UNC5C: variants seen among roughly 807,000 people sequenced by gnomAD.
The protein encoded by UNC5C is unc-5 netrin receptor C, also known as netrin receptor UNC5C.
UNC5C carries 47 observed loss-of-function variants against 99.8 expected under a neutral mutation model. That is an observed-to-expected ratio of 0.47 (90% CI 0.37 to 0.60). The LOEUF (loss-of-function observed/expected upper bound fraction) is 0.60. Ranked by LOEUF, UNC5C falls within the 20% of genes least tolerant of loss-of-function variation. The pLI, the probability that UNC5C is intolerant of heterozygous loss-of-function variation, is 0.00. For missense variants in UNC5C, 1,062 were observed against 1,165.9 expected, an observed-to-expected ratio of 0.91 and a Z score of 1.30; for synonymous variants, 487 against 452.2, an observed-to-expected ratio of 1.08 and a Z score of -0.98.
At chr4:95,351,604 G>C (rs1743992978) in intron 1 of UNC5C, among the ~76,000 whole-genome samples, 1 of 152,052 alleles carries the variant, frequency 6.6e-6, no homozygotes. Flanking sequence ...AGGATTGCTT[G>C]AGCCCAGGGG....
At chr4:95,256,714 A>ATG (rs1740005403) in intron 4 of UNC5C, among the ~76,000 whole-genome samples, 1 of 127,302 alleles carries the variant, frequency 7.9e-6, no homozygotes, top group Admixed American at 7.8e-5. Flanking sequence ...ATATATATAT[A>ATG]TATATATGAG....
chr4:95,258,709 G>GT (rs1229593558), intron 4 of UNC5C, among the ~76,000 whole-genome samples: 1 of 126,192 alleles, frequency 7.9e-6, no homozygotes, highest in Non-Finnish European at 1.7e-5. Context: ...GTTGTTTGGT[G>GT]TTATTAGTCC....
intron 1 of UNC5C, among the ~76,000 whole-genome samples, chr4:95,444,706 A>G (rs1747046733): frequency 6.6e-6 from 1 of 152,158 alleles, no homozygotes. Flanking sequence ...ACAACACAGT[A>G]AAACAGTCCT....
intron 3 of UNC5C, among the ~76,000 whole-genome samples, chr4:95,300,361 A>G (rs1741823213): frequency 6.6e-6 from 1 of 152,186 alleles, no homozygotes; most frequent in African/African-American, 2.4e-5. Context: ...GTCAAAAAAT[A>G]TATTTCTTAC....
chr4:95,328,441 A>C (rs1485255579), intron 2 of UNC5C, among the ~76,000 whole-genome samples: 1 of 127,936 alleles, frequency 7.8e-6, no homozygotes, highest in Non-Finnish European at 1.7e-5. Flanking sequence ...TATATGTGCC[A>C]CATTTTCTTA....
At chr4:95,271,581 C>G (rs1381565928) in intron 4 of UNC5C, among the ~76,000 whole-genome samples, 2 of 152,204 alleles carry the variant, frequency 1.3e-5, no homozygotes, top group African/African-American at 4.8e-5. Flanking sequence ...AAAGCTCATT[C>G]TGGTGGGTCT....
At chr4:95,518,610 A>G (rs1376268467) in intron 1 of UNC5C, among the ~76,000 whole-genome samples, 4 of 152,230 alleles carry the variant, frequency 2.6e-5, no homozygotes, top group Non-Finnish European at 5.9e-5. Context: ...AGACTTATAC[A>G]TAATTTTCAA....
At chr4:95,256,461 G>C (rs989354985) in intron 4 of UNC5C, among the ~76,000 whole-genome samples, 2 of 151,846 alleles carry the variant, frequency 1.3e-5, no homozygotes. Flanking sequence ...TTCAATGTTA[G>C]AGCAGCACAC....
Position 95,266,103 on chromosome 4 carries a change from CA to C in UNC5C, c.594+12155del, listed in dbSNP as rs372882607. 3.3e-3 allele frequency among the ~76,000 whole-genome samples: 505 copies of C among 152,082 alleles called. 2 individuals are homozygous for C. Among genetic ancestry groups the C allele is most frequent in the African/African-American group, 0.011 (464 of 41,496 alleles). On this transcript the variant is annotated intron_variant, in intron 4 of 15. Transcript: ENST00000453304. ...ATAATACCAAATTAATAATATCTTCCAAAAAAACACCTGAAAGAAATCTGAC... is the reference window on the plus strand; with the variant it reads ...ATAATACCAAATTAATAATATCTTCCAAAAAACACCTGAAAGAAATCTGAC...
intron 1 of UNC5C, among the ~76,000 whole-genome samples, chr4:95,443,580 T>C (rs1228827258): frequency 6.6e-6 from 1 of 152,142 alleles, no homozygotes; most frequent in African/African-American, 2.4e-5. Context: ...TAATAAATAA[T>C]TCTTTTATTT....
In UNC5C at chr4:95,521,199, C is replaced by CT. The variant is rs59814808; in HGVS notation, c.124+27534dup. Among the ~76,000 whole-genome samples the CT allele has an allele frequency of 6.2e-4, 85 of 138,084 alleles. No individual in the cohort carries two copies. In the South Asian group the frequency reaches 0.017, roughly 27 times the overall value. The allele number at this position is 138,084 out of a possible 152,430, so 90.6% of individuals were successfully genotyped here. A position where few individuals can be genotyped will look rare whatever the true frequency, so the allele number is the denominator to read the frequency against. ...GAGAGATCTAGTGTCTCTTCTTCTTCTTTTTTTTTTCTTTTTTCTTTTTTC... is the reference window on the plus strand; with the variant it reads ...GAGAGATCTAGTGTCTCTTCTTCTTCTTTTTTTTTTTCTTTTTTCTTTTTTC... On this transcript the variant is annotated intron_variant, in intron 1 of 15. Coordinates refer to ENST00000453304, the MANE Select transcript of UNC5C (RefSeq NM_003728.4).
At chr4:95,479,897 A>G (rs1031915424) in intron 1 of UNC5C, among the ~76,000 whole-genome samples, 38 of 151,922 alleles carry the variant, frequency 2.5e-4, no homozygotes, top group African/African-American at 9.2e-4. Context: ...TCCATAGAGA[A>G]CGGGCCTCAT....
chr4:95,283,029 G>A (rs1367371062), intron 3 of UNC5C, among the ~76,000 whole-genome samples: 1 of 151,984 alleles, frequency 6.6e-6, no homozygotes, highest in Non-Finnish European at 1.5e-5. Flanking sequence ...CTTCATTTTG[G>A]GGTATTGTTT....
At chr4:95,235,750 C>A (rs1349773993) in intron 7 of UNC5C, among the ~76,000 whole-genome samples, 1 of 152,154 alleles carries the variant, frequency 6.6e-6, no homozygotes, top group Non-Finnish European at 1.5e-5. Flanking sequence ...AATCCTTTCC[C>A]CGTTTCTTGT....
chr4:95,370,359 A>C (rs541165933), intron 1 of UNC5C, among the ~76,000 whole-genome samples: 1 of 152,210 alleles, frequency 6.6e-6, no homozygotes, highest in Non-Finnish European at 1.5e-5. Flanking sequence ...TATTATATTT[A>C]TATTATATAG....
intron 14 of UNC5C, among the ~76,000 whole-genome samples, chr4:95,171,767 C>T (rs1736122954): frequency 6.6e-6 from 1 of 151,652 alleles, no homozygotes; most frequent in Non-Finnish European, 1.5e-5. Context: ...AATGGGATGG[C>T]TGGGTCAAAT....
chr4:95,414,547 C>G (rs1050871266), intron 1 of UNC5C, among the ~76,000 whole-genome samples: 2 of 152,208 alleles, frequency 1.3e-5, no homozygotes, highest in African/African-American at 4.8e-5. Flanking sequence ...AACGAAGGTC[C>G]TTAGACCAAG....
intron 1 of UNC5C, among the ~76,000 whole-genome samples, chr4:95,344,705 G>T (rs1743706183): frequency 6.6e-6 from 1 of 152,176 alleles, no homozygotes; most frequent in Admixed American, 6.6e-5. Context: ...AGGGGACAAA[G>T]TTAAAGTGTA....
intron 1 of UNC5C, among the ~76,000 whole-genome samples, chr4:95,482,249 C>CA (rs1721180112): frequency 2.0e-5 from 3 of 151,384 alleles, no homozygotes; most frequent in Non-Finnish European, 4.4e-5. Context: ...CCAAAAGACA[C>CA]ATGAAAAAAT....
Sources: gnomAD v4.1 joint callset for allele counts (sites outside exome capture counted in the v4.1 genomes callset) on GRCh38, gnomAD v4.1.1 for gene constraint, MANE v1.5 for transcripts, NCBI Gene and HGNC (gene_info 2026-07-23, HGNC 2026-07-21) for gene names.